B4GALT1: variants seen among roughly 807,000 people sequenced by gnomAD.
The protein encoded by B4GALT1 is N-acetyllactosamine synthase.
In B4GALT1, 16 loss-of-function variants were observed where a neutral mutation model predicts 34.9. The ratio of observed to expected loss-of-function variants is 0.46; its 90% confidence interval spans 0.31 to 0.70. The LOEUF (loss-of-function observed/expected upper bound fraction) is 0.70. Among genes scored for constraint, B4GALT1 ranks in the 30% least tolerant of loss-of-function variants. The probability of loss-of-function intolerance (pLI) is 0.05; values close to 1 mark genes in which losing one functional copy is unlikely to be tolerated. For synonymous variants in B4GALT1, 221 were observed against 218.1 expected, an observed-to-expected ratio of 1.01 and a Z score of -0.12; for missense variants, 445 against 530.5, an observed-to-expected ratio of 0.84 and a Z score of 1.58.
the B4GALT1 span, among the ~76,000 whole-genome samples, chr9:33,181,605 C>T: frequency 0.013 from 2,044 of 152,256 alleles, 72 homozygotes; most frequent in East Asian, 0.14. Flanking sequence ...AGGCTAACTA[C>T]GGGGTCGCTA....
intron 2 of B4GALT1, among the ~76,000 whole-genome samples, chr9:33,126,128 G>C (rs908027517): frequency 3.3e-5 from 5 of 152,274 alleles, no homozygotes; most frequent in Admixed American, 3.3e-4. Context: ...CAGATCCGGG[G>C]GCAGGTCTGC....
chr9:33,104,648 C>A, exon 3 of B4GALT1: 1 of 432,050 alleles, frequency 2.3e-6, no homozygotes, highest in Non-Finnish European at 4.6e-6. Context: ...TCAGGTGGCA[C>A]AGCCCACACA....
intron 1 of B4GALT1, among the ~76,000 whole-genome samples, chr9:33,142,706 A>G (rs1265812706): frequency 6.6e-6 from 1 of 152,032 alleles, no homozygotes; most frequent in Admixed American, 6.5e-5. Flanking sequence ...GGCTCAAGCA[A>G]TCCTCTCGCC....
At chr9:33,135,474 C>T (rs201459557) in intron 1 of B4GALT1, 50 bp from the exon 2 acceptor site, 29 of 1,547,980 alleles carry the variant, frequency 1.9e-5, no homozygotes, top group South Asian at 1.0e-4. Flanking sequence ...GACTCGCCAC[C>T]GCTCCACAGG....
At chr9:33,127,856 C>T (rs1840135498) in intron 2 of B4GALT1, among the ~76,000 whole-genome samples, 2 of 152,204 alleles carry the variant, frequency 1.3e-5, no homozygotes, top group Non-Finnish European at 2.9e-5. Flanking sequence ...ACTCTCAGAC[C>T]CTGTATGACG....
chr9:33,173,270 G>A, the B4GALT1 span, among the ~76,000 whole-genome samples: 1 of 152,132 alleles, frequency 6.6e-6, no homozygotes, highest in Non-Finnish European at 1.5e-5. Context: ...TGGGCTTAGT[G>A]GCACATGCCT....
In B4GALT1 at chr9:33,113,471, T is replaced by C; in HGVS notation, c.1180A>G (p.Ile394Val). Residue 394 changes from isoleucine (I) to valine (V), a missense_variant, in exon 6 of 6, where the codon ATC (isoleucine) becomes GTC (valine). Ile to Val is a conservative substitution (Grantham distance 29). Around this residue, in one of 3 missense-constraint regions of B4GALT1, gnomAD observed 89 missense variants for 107.6 expected, o/e 0.83. Transcript: ENST00000379731. Reference protein sequence around the residue: ...YPLYTQITVDIGTPS With the variant: ...YPLYTQITVDVGTPS ...CCAAAACGCTAGCTCGGTGTCCCGA[T>C]GTCCACTGTGATTTGGGTATACAAT... 2 of 1,614,232 alleles carry C rather than the reference T, an allele frequency of 1.2e-6. No homozygotes were observed. Among genetic ancestry groups the C allele is most frequent in the South Asian group, 1.1e-5 (1 of 91,090 alleles).
chr9:33,163,909 C>A (rs1235978276), intron 1 of B4GALT1, among the ~76,000 whole-genome samples: 1 of 152,200 alleles, frequency 6.6e-6, no homozygotes, highest in Non-Finnish European at 1.5e-5. Context: ...ATCACTCACT[C>A]CTGCAAGCCT....
intron 2 of B4GALT1, among the ~76,000 whole-genome samples, chr9:33,132,010 T>C (rs528349393): frequency 2.1e-4 from 32 of 151,622 alleles, no homozygotes; most frequent in Admixed American, 1.1e-3. Context: ...TTGGAGCAGA[T>C]GATAAGAGAG....
chr9:33,156,164 C>T (rs1840591215), intron 1 of B4GALT1, among the ~76,000 whole-genome samples: 1 of 151,592 alleles, frequency 6.6e-6, no homozygotes. Context: ...GACAGAGTCT[C>T]ACTCTGTCAC....
rs370123101 is a variant in B4GALT1, at chr9:33,120,194, CA to C, written c.836+224del. On this transcript the variant is annotated intron_variant, in intron 3 of 5. Coordinates refer to ENST00000379731, the MANE Select transcript of B4GALT1 (RefSeq NM_001497.4). ...GCCAGACCCTGTCTCAAAAAACAAA[CA>C]AAAAAAAAAAAGGGGGGAAAATTTG... Among the ~76,000 whole-genome samples the C allele has an allele frequency of 4.8e-3, 622 of 129,698 alleles. 2 individuals carry two copies. Among genetic ancestry groups the C allele is most frequent in the African/African-American group, 0.013 (445 of 35,550 alleles). 85.1% of individuals were successfully genotyped at this position (129,698 alleles called of 152,430 possible).
chr9:33,169,591 C>T (rs1224769987), upstream of B4GALT1, among the ~76,000 whole-genome samples: 1 of 151,178 alleles, frequency 6.6e-6, no homozygotes, highest in East Asian at 1.9e-4. Flanking sequence ...TGCAATCTCA[C>T]CTCACTGCAA....
intron 1 of B4GALT1, among the ~76,000 whole-genome samples, chr9:33,145,838 C>T (rs1246665736): frequency 6.6e-6 from 1 of 152,202 alleles, no homozygotes; most frequent in South Asian, 2.1e-4. Flanking sequence ...AATTTAGGGG[C>T]CAGGGGGGCC....
At chr9:33,174,655 A>G in the B4GALT1 span, among the ~76,000 whole-genome samples, 1 of 150,428 alleles carries the variant, frequency 6.6e-6, no homozygotes, top group Non-Finnish European at 1.5e-5. Flanking sequence ...TCTCAAAATT[A>G]CATGTATATC....
chr9:33,184,085 G>C, the B4GALT1 span, among the ~76,000 whole-genome samples: 1 of 151,980 alleles, frequency 6.6e-6, no homozygotes, highest in Non-Finnish European at 1.5e-5. Context: ...GGGTTGGTGA[G>C]TGCAGCAAAC....
intron 1 of B4GALT1, among the ~76,000 whole-genome samples, chr9:33,146,365 G>A (rs1840425272): frequency 6.6e-6 from 1 of 152,214 alleles, no homozygotes; most frequent in Non-Finnish European, 1.5e-5. Context: ...TAGAACTAGA[G>A]CGCTTCCAGA....
chr9:33,174,990 AATAT>A, the B4GALT1 span, among the ~76,000 whole-genome samples: 6 of 4,836 alleles, frequency 1.2e-3, no homozygotes, highest in African/African-American at 3.6e-3. Context: ...AAAAAAAAAA[AATAT>A]ATATATATAT....
downstream of B4GALT1, among the ~76,000 whole-genome samples, chr9:33,107,020 G>A (rs1017722617): frequency 6.6e-6 from 1 of 152,110 alleles, no homozygotes; most frequent in Non-Finnish European, 1.5e-5. Flanking sequence ...TGGTGACCCT[G>A]GAACACATCT....
chr9:33,148,821 A>AAAT (rs59094057), intron 1 of B4GALT1, among the ~76,000 whole-genome samples: 4 of 150,480 alleles, frequency 2.7e-5, no homozygotes, highest in African/African-American at 4.9e-5. Context: ...AAAAAAAAAA[A>AAAT]TGCTCAAAGA....
Sources: allele counts gnomAD v4.1 joint callset (sites outside exome capture counted in the v4.1 genomes callset), GRCh38; gene constraint gnomAD v4.1.1; regional missense constraint gnomAD v4.1.1; transcripts MANE v1.5; gene names NCBI Gene and HGNC (gene_info 2026-07-23, HGNC 2026-07-21).